The following RAI2 variants were observed in gnomAD, a reference collection of about 807,000 sequenced individuals.
The protein encoded by RAI2 is retinoic acid induced 2, also known as retinoic acid-induced protein 2.
RAI2 carries 5 observed loss-of-function variants against 15.3 expected under a neutral mutation model. That is an observed-to-expected ratio of 0.33 (90% CI 0.17 to 0.69). The LOEUF (loss-of-function observed/expected upper bound fraction) is 0.69. RAI2 is among the 30% of genes least tolerant of loss of function. The probability of loss-of-function intolerance (pLI) is 0.69; values close to 1 mark genes in which losing one functional copy is unlikely to be tolerated. For missense variants in RAI2, 424 were observed against 424.7 expected, an observed-to-expected ratio of 1.00 and a Z score of 0.01; for synonymous variants, 191 against 184.0, an observed-to-expected ratio of 1.04 and a Z score of -0.31.
intron 1 of RAI2, among the ~76,000 whole-genome samples, chrX:17,815,276 G>A (rs2067093529): frequency 9.0e-6 from 1 of 110,858 alleles, no homozygotes; most frequent in African/African-American, 3.3e-5. Flanking sequence ...TTTATTGGGG[G>A]AAGAGTTCCA....
At chrX:17,805,858 C>T (rs947643056) in intron 1 of RAI2, among the ~76,000 whole-genome samples, 1 of 112,003 alleles carries the variant, frequency 8.9e-6, no homozygotes, top group African/African-American at 3.2e-5. Context: ...CCAAGTATGG[C>T]GCTGGCCTTG....
intron 1 of RAI2, among the ~76,000 whole-genome samples, chrX:17,825,226 G>A (rs768807267): frequency 6.8e-4 from 77 of 112,938 alleles, no homozygotes; most frequent in Non-Finnish European, 4.3e-4. Context: ...GCGGGAGACC[G>A]CATAAAAAGC....
intron 1 of RAI2, among the ~76,000 whole-genome samples, chrX:17,811,925 T>TAA (rs371540415): frequency 9.5e-6 from 1 of 105,247 alleles, no homozygotes; most frequent in East Asian, 2.9e-4. Flanking sequence ...GTAAAATGAT[T>TAA]AAAAAAAAAA....
Position 17,801,056 on chromosome X carries a change from G to A in RAI2, c.955C>T (p.Leu319Phe). 1.7e-6 allele frequency: 2 copies of A among 1,211,796 alleles called. No homozygotes were observed. Among genetic ancestry groups the A allele is most frequent in the Non-Finnish European group, 2.2e-6 (2 of 895,450 alleles). The change falls in exon 2 of 2, where the codon CTC (leucine) becomes TTC (phenylalanine). Residue 319 changes from leucine (L) to phenylalanine (F), a missense_variant. Physicochemically the swap from Leu to Phe is conservative, Grantham distance 22 (BLOSUM62 0). Coordinates refer to ENST00000451717, the MANE Select transcript of RAI2 (RefSeq NM_021785.6). Reference sequence around the variant, plus strand: ...AGCCAGGGCACTGACTTCATGGAGAGATCCAGGGCCTCGTTCTCACTTCCC... The same window carrying A: ...AGCCAGGGCACTGACTTCATGGAGAAATCCAGGGCCTCGTTCTCACTTCCC... ...KMGSENEALD[L>F]SMKSVPWLKA...
At chrX:17,805,155 C>T (rs544864710) in intron 1 of RAI2, among the ~76,000 whole-genome samples, 1 of 112,924 alleles carries the variant, frequency 8.9e-6, no homozygotes, top group South Asian at 3.6e-4. Context: ...TTCCCTTCGA[C>T]TGGGAGAGCT....
chrX:17,836,416 C>A (rs992866110), intron 1 of RAI2, among the ~76,000 whole-genome samples: 8 of 112,142 alleles, frequency 7.1e-5, no homozygotes, highest in African/African-American at 2.6e-4. Context: ...AATCTAACAG[C>A]AAGCATATTT....
At chrX:17,815,323 G>GCA (rs5901632) in intron 1 of RAI2, among the ~76,000 whole-genome samples, 74 of 100,975 alleles carry the variant, frequency 7.3e-4, no homozygotes, top group African/African-American at 1.5e-3. Context: ...GTGCACACGT[G>GCA]CACACACACA....
intron 1 of RAI2, among the ~76,000 whole-genome samples, chrX:17,852,050 G>A (rs966039317): frequency 3.6e-5 from 4 of 111,679 alleles, no homozygotes; most frequent in Admixed American, 9.5e-5. Context: ...GGCCTCCAAC[G>A]CCCAGATTTA....
chrX:17,827,403 A>C (rs12393034), intron 1 of RAI2, among the ~76,000 whole-genome samples: 2,437 of 112,268 alleles, frequency 0.022, 69 homozygotes, highest in African/African-American at 0.073. Context: ...ACTTCTTCAC[A>C]ATACTATTTA....
chrX:17,842,654 G>C (rs1810876183), intron 1 of RAI2, among the ~76,000 whole-genome samples: 1 of 94,150 alleles, frequency 1.1e-5, no homozygotes, highest in Admixed American at 1.2e-4. Flanking sequence ...TATATGTATA[G>C]GAAAAAAAAA....
chrX:17,807,537 G>A (rs868228703), intron 1 of RAI2, among the ~76,000 whole-genome samples: 6 of 111,651 alleles, frequency 5.4e-5, no homozygotes, highest in Admixed American at 1.9e-4. Flanking sequence ...GTCTCTTGCC[G>A]ACTCTTTTTA....
chrX:17,800,740 G>A lies in RAI2; in HGVS notation c.1271C>T (p.Ala424Val), dbSNP rs372199838. Residue 424 changes from alanine (A) to valine (V), a missense_variant, in exon 2 of 2, where the codon GCT becomes GTT. Physicochemically the swap from Ala to Val is moderately conservative, Grantham distance 64 (BLOSUM62 0). Transcript: ENST00000451717. Reference protein sequence around the residue: ...QPNHPSGEVKAENNIEMVGES... With the variant: ...QPNHPSGEVKVENNIEMVGES... Reference sequence around the variant, plus strand: ...GCCCACCATCTCAATGTTATTTTCAGCCTTGACTTCGCCGCTGGGGTGGTT... The same window carrying A: ...GCCCACCATCTCAATGTTATTTTCAACCTTGACTTCGCCGCTGGGGTGGTT... 7 of 1,209,832 alleles carry A rather than the reference G, an allele frequency of 5.8e-6. No homozygotes were observed. The South Asian group carries it at 8.8e-5, about 15-fold the overall frequency.
At chrX:17,808,635 C>A (rs2067008449) in intron 1 of RAI2, among the ~76,000 whole-genome samples, 1 of 110,539 alleles carries the variant, frequency 9.0e-6, no homozygotes, top group Non-Finnish European at 1.9e-5. Flanking sequence ...TCCTCTTCCC[C>A]CCCGGCCCCC....
At position 17,836,848 on chromosome X, in the gene RAI2, A is replaced by G. The variant is rs73447842; in HGVS notation, c.-25+24250T>C. On this transcript the variant is annotated intron_variant, in intron 1 of 1. Transcript: ENST00000451717. ...GATCTGAGTGCATACAGTGTATGTA[A>G]AAGGGGACCACAGGCAGCACCCATG... Among the ~76,000 whole-genome samples, 874 of 112,342 alleles carry G rather than the reference A, an allele frequency of 7.8e-3. 7 individuals are homozygous for G. Among genetic ancestry groups the G allele is most frequent in the African/African-American group, 0.026 (797 of 30,890 alleles).
chrX:17,832,004 C>T (rs1162243206), intron 1 of RAI2, among the ~76,000 whole-genome samples: 1 of 112,254 alleles, frequency 8.9e-6, no homozygotes, highest in African/African-American at 3.2e-5. Flanking sequence ...GCAAGCATTG[C>T]ACTGTATTGT....
chrX:17,821,446 TG>T (rs1461766441), intron 1 of RAI2, among the ~76,000 whole-genome samples: 21 of 110,203 alleles, frequency 1.9e-4, no homozygotes, highest in Admixed American at 1.7e-3. Context: ...TTGAAGAGGG[TG>T]ATCAGGGAAG....
At chrX:17,807,194 G>A (rs1158520863) in intron 1 of RAI2, among the ~76,000 whole-genome samples, 1 of 111,145 alleles carries the variant, frequency 9.0e-6, no homozygotes, top group Non-Finnish European at 1.9e-5. Context: ...TGACTTAAGG[G>A]GTTCAGCTCT....
chrX:17,821,567 TAA>T lies in RAI2; in HGVS notation c.-24-19535_-24-19534del, dbSNP rs1491178091. 6.1e-3 allele frequency among the ~76,000 whole-genome samples: 669 copies of T among 109,220 alleles called. 5 individuals are homozygous for T. The highest frequency in any genetic ancestry group is 0.021 in the African/African-American group (618 of 30,052). The allele number at this position is 109,220 out of a possible 115,157, so 94.8% of individuals were successfully genotyped here. ...GTGTGTGTGTGTTTGTGTGTGTGTG[TAA>T]GAGAGAGAGAGAGAGACCGCGAGAG... On this transcript the variant is annotated intron_variant, in intron 1 of 1. Coordinates refer to ENST00000451717, the MANE Select transcript of RAI2 (RefSeq NM_021785.6).
chrX:17,837,288 C>G (rs1289536740), intron 1 of RAI2, among the ~76,000 whole-genome samples: 6 of 112,043 alleles, frequency 5.4e-5, no homozygotes, highest in Non-Finnish European at 1.1e-4. Flanking sequence ...CCAAAGCCCA[C>G]CAGTGTGCAG....
Sources: allele counts gnomAD v4.1 joint callset (sites outside exome capture counted in the v4.1 genomes callset), GRCh38; gene constraint gnomAD v4.1.1; transcripts MANE v1.5; gene names NCBI Gene and HGNC (gene_info 2026-07-23, HGNC 2026-07-21).